The following CCBE1 variants were observed in gnomAD, a reference collection of about 807,000 sequenced individuals.
CCBE1 encodes collagen and calcium-binding EGF domain-containing protein 1.
CCBE1 carries 37 observed loss-of-function variants against 50.0 expected under a neutral mutation model. The observed-to-expected ratio is 0.74, with a 90% CI of 0.57 to 0.97. CCBE1 has a LOEUF of 0.97. Among genes scored for constraint, CCBE1 ranks in the 50% least tolerant of loss-of-function variants. The pLI is 0.00. For synonymous variants in CCBE1, 234 were observed against 203.7 expected (o/e 1.15, Z -1.27); for missense variants, 538 against 523.8 (o/e 1.03, Z -0.26).
chr18:59,660,078 T>C (rs970401443), intron 2 of CCBE1, among the ~76,000 whole-genome samples: 4 of 152,186 alleles, frequency 2.6e-5, no homozygotes. Flanking sequence ...TCAGGACCCC[T>C]GCATACAATT....
chr18:59,539,310 C>G lies in CCBE1; in HGVS notation c.213-59072G>C, dbSNP rs188554066. On this transcript the variant is annotated intron_variant, in intron 2 of 10. Coordinates refer to ENST00000439986, the MANE Select transcript of CCBE1 (RefSeq NM_133459.4). ...TGCTTCGATGAAGAACACTGCCACA[C>G]TGAAGAGGCACATTTCAAGGAACTG... Among the ~76,000 whole-genome samples, 283 of 152,268 alleles carry G rather than the reference C, an allele frequency of 1.9e-3. 2 individuals are homozygous for G. Among genetic ancestry groups the G allele is most frequent in the Non-Finnish European group, 3.3e-3 (223 of 68,024 alleles).
intron 2 of CCBE1, among the ~76,000 whole-genome samples, chr18:59,589,690 T>C (rs2053231168): frequency 6.8e-6 from 1 of 147,352 alleles, no homozygotes; most frequent in Non-Finnish European, 1.5e-5. Context: ...TCCCAGCTAC[T>C]CAGGAGGCTG....
At chr18:59,443,291 C>T (rs897266534) in intron 7 of CCBE1, among the ~76,000 whole-genome samples, 1 of 152,170 alleles carries the variant, frequency 6.6e-6, no homozygotes, top group Non-Finnish European at 1.5e-5. Flanking sequence ...CTCTAGCGGA[C>T]ACCTTGCTGG....
At chr18:59,590,719 T>C (rs1362866733) in intron 2 of CCBE1, among the ~76,000 whole-genome samples, 1 of 152,186 alleles carries the variant, frequency 6.6e-6, no homozygotes, top group Non-Finnish European at 1.5e-5. Flanking sequence ...ACCTGACTAC[T>C]TTGGAAATTT....
At chr18:59,470,550 T>C (rs649170) in intron 3 of CCBE1, among the ~76,000 whole-genome samples, 64,077 of 151,700 alleles carry the variant, frequency 0.42, 13,723 homozygotes, top group South Asian at 0.51. Context: ...TGGGTGAGTT[T>C]GAATGGCTAG....
At chr18:59,550,896 T>A (rs1256072255) in intron 2 of CCBE1, among the ~76,000 whole-genome samples, 1 of 148,834 alleles carries the variant, frequency 6.7e-6, no homozygotes, top group Non-Finnish European at 1.5e-5. Context: ...TCTCAGCTAC[T>A]CTAGAGGCTG....
intron 2 of CCBE1, among the ~76,000 whole-genome samples, chr18:59,678,724 G>A (rs1283862701): frequency 6.6e-6 from 1 of 152,030 alleles, no homozygotes; most frequent in African/African-American, 2.4e-5. Context: ...ATAGAGACGG[G>A]GTTTCGCCAT....
In CCBE1 at chr18:59,590,907, G is replaced by A. The variant is rs561346963; in HGVS notation, c.212+105722C>T. Among the ~76,000 whole-genome samples the A allele has an allele frequency of 7.2e-5, 11 of 152,262 alleles. No homozygotes were observed. The South Asian group carries it at 2.3e-3, about 32-fold the overall frequency. ...AAGTGTGAAAATTTAAACTACAAAA[G>A]TGCTAGAAGGAAACAGGGACTCCTC... On this transcript the variant is annotated intron_variant, in intron 2 of 10. Transcript: ENST00000439986.
At chr18:59,513,333 A>T (rs922152294) in intron 2 of CCBE1, among the ~76,000 whole-genome samples, 1 of 152,098 alleles carries the variant, frequency 6.6e-6, no homozygotes, top group Non-Finnish European at 1.5e-5. Flanking sequence ...AAAAAATTCA[A>T]GAAAGGGCAC....
In CCBE1 at chr18:59,601,693, G is replaced by GC. The variant is rs2053436708; in HGVS notation, c.212+94935dup. Among the ~76,000 whole-genome samples, 13 of 152,280 alleles carry GC rather than the reference G, an allele frequency of 8.5e-5. No individual in the cohort carries two copies. In the South Asian group the frequency reaches 2.7e-3, roughly 32 times the overall value. ...GATTAGACATGAGCCACTATGCCCA[G>GC]CCCCAGATTTCTTTTAATTGCTTTT... On this transcript the variant is annotated intron_variant, in intron 2 of 10. Coordinates refer to ENST00000439986, the MANE Select transcript of CCBE1 (RefSeq NM_133459.4).
chr18:59,615,831 T>C (rs2053629593), intron 2 of CCBE1, among the ~76,000 whole-genome samples: 1 of 152,146 alleles, frequency 6.6e-6, no homozygotes, highest in Non-Finnish European at 1.5e-5. Flanking sequence ...AGGCATTTAA[T>C]ATTTGCAGAA....
At chr18:59,676,478 A>T (rs1156766487) in intron 2 of CCBE1, among the ~76,000 whole-genome samples, 1 of 152,202 alleles carries the variant, frequency 6.6e-6, no homozygotes, top group East Asian at 1.9e-4. Flanking sequence ...CTTCTTATAT[A>T]TAACTGCCTT....
At chr18:59,667,810 T>C (rs1162542232) in intron 2 of CCBE1, among the ~76,000 whole-genome samples, 1 of 151,956 alleles carries the variant, frequency 6.6e-6, no homozygotes, top group Non-Finnish European at 1.5e-5. Flanking sequence ...GCAGAGAATA[T>C]GCAGCACAAG....
At chr18:59,693,540 C>T (rs184737518) in intron 2 of CCBE1, among the ~76,000 whole-genome samples, 1 of 152,266 alleles carries the variant, frequency 6.6e-6, no homozygotes, top group Admixed American at 6.5e-5. Flanking sequence ...GCCCAAAAGC[C>T]ATTTCTAGCT....
At chr18:59,537,493 G>C (rs574079213) in intron 2 of CCBE1, among the ~76,000 whole-genome samples, 2 of 152,156 alleles carry the variant, frequency 1.3e-5, no homozygotes, top group African/African-American at 4.8e-5. Context: ...AAACCCTTTC[G>C]CTTGGCTCTC....
chr18:59,470,156 A>G (rs1911961767), intron 3 of CCBE1, among the ~76,000 whole-genome samples: 1 of 152,184 alleles, frequency 6.6e-6, no homozygotes, highest in South Asian at 2.1e-4. Flanking sequence ...AAGAGGTTTA[A>G]CTGGCTCACA....
intron 2 of CCBE1, among the ~76,000 whole-genome samples, chr18:59,577,875 CAAT>C (rs1390987814): frequency 6.6e-6 from 1 of 152,110 alleles, no homozygotes; most frequent in African/African-American, 2.4e-5. Flanking sequence ...AAAATCTAGG[CAAT>C]ACCAACCAGG....
intron 5 of CCBE1, among the ~76,000 whole-genome samples, chr18:59,456,331 T>G (rs990122478): frequency 2.0e-5 from 3 of 152,240 alleles, no homozygotes; most frequent in African/African-American, 7.2e-5. Context: ...TGTGACTTTA[T>G]TTGGAAACAG....
At chr18:59,685,495 T>A (rs908700840) in intron 2 of CCBE1, among the ~76,000 whole-genome samples, 13 of 152,178 alleles carry the variant, frequency 8.5e-5, no homozygotes, top group African/African-American at 3.1e-4. Flanking sequence ...CAAAGACCAT[T>A]TACCCAGCTT....
Sources: gnomAD v4.1 joint callset for allele counts (sites outside exome capture counted in the v4.1 genomes callset) on GRCh38, gnomAD v4.1.1 for gene constraint, MANE v1.5 for transcripts, NCBI Gene and HGNC (gene_info 2026-07-23, HGNC 2026-07-21) for gene names.